CENPE: variants seen among roughly 807,000 people sequenced by gnomAD.
CENPE encodes centromere-associated protein E.
A neutral mutation model predicts 336.1 loss-of-function variants in CENPE; 145 were observed. That is an observed-to-expected ratio of 0.43 (90% CI 0.38 to 0.50). The LOEUF (loss-of-function observed/expected upper bound fraction) is 0.50. CENPE is among the 20% of genes least tolerant of loss of function. The pLI is 0.00. For synonymous variants in CENPE, 1,013 were observed against 984.8 expected, an observed-to-expected ratio of 1.03 and a Z score of -0.54; for missense variants, 2,719 against 3,023.3, an observed-to-expected ratio of 0.90 and a Z score of 2.36.
chr4:103,148,789 TCAAAGGAGAAAGGAAGGAAGAAGTGA>T, intron 28 of CENPE, 29 bp downstream of exon 28: 1 of 1,513,974 alleles, frequency 6.6e-7, no homozygotes, highest in African/African-American at 1.4e-5. Flanking sequence ...TATCTTTCCT[TCAAAGGAGAAAGGAAGGAAGAAGTGA>T]CAAAGGATGA....
At chr4:103,147,667 C>A in intron 28 of CENPE, 21 bp from the exon 29 acceptor site, 1 of 1,584,984 alleles carries the variant, frequency 6.3e-7, no homozygotes, top group Non-Finnish European at 8.5e-7. Context: ...TCATAAAATA[C>A]CAAGGTTACT....
Position 103,144,410 on chromosome 4 carries a change from T to C in CENPE, c.5066A>G (p.Asp1689Gly). ...EEMRSVTKER[D>G]DLRSVEETLK... ...AGTCTCCTCCACACTCCTAAGGTCATCTCTTTCTTTTGTTACAGATCTCAT... is the reference window on the plus strand; with the variant it reads ...AGTCTCCTCCACACTCCTAAGGTCACCTCTTTCTTTTGTTACAGATCTCAT... Residue 1689 changes from aspartate to glycine, a missense_variant, in exon 33 of 49, where the codon GAT becomes GGT. Coordinates refer to ENST00000265148, the MANE Select transcript of CENPE (RefSeq NM_001813.3). 1 of 1,614,086 alleles carries C rather than the reference T, an allele frequency of 6.2e-7. No individual in the cohort carries two copies. Among genetic ancestry groups the C allele is most frequent in the South Asian group, 1.1e-5 (1 of 91,078 alleles).
chr4:103,127,142 A>G (rs965943212), intron 42 of CENPE, among the ~76,000 whole-genome samples: 1 of 151,456 alleles, frequency 6.6e-6, no homozygotes, highest in Non-Finnish European at 1.5e-5. Flanking sequence ...AAAACCCCCA[A>G]AAACAAAAAA....
intron 42 of CENPE, among the ~76,000 whole-genome samples, chr4:103,126,001 C>G (rs1042074451): frequency 1.1e-4 from 16 of 151,948 alleles, no homozygotes; most frequent in Non-Finnish European, 1.8e-4. Flanking sequence ...ACTGGAGAGG[C>G]AGAGAGGCAG....
Position 103,144,383 on chromosome 4 carries a change from A to C in CENPE, c.5093T>G (p.Leu1698Arg), listed in dbSNP as rs747420234. 2 of 1,613,376 alleles carry C rather than the reference A, an allele frequency of 1.2e-6. No homozygotes were observed. Among genetic ancestry groups the C allele is most frequent in the Non-Finnish European group, 1.7e-6 (2 of 1,179,818 alleles). ...RDDLRSVEETLKVERDQLKEN... is the reference protein window; with the variant it reads ...RDDLRSVEETRKVERDQLKEN... ...CTTGAGCTGGTCTCTCTCTACTTTG[A>C]GAGTCTCCTCCACACTCCTAAGGTC... The change falls in exon 33 of 49, where the codon CTC becomes CGC. Residue 1698 changes from leucine (L) to arginine (R), a missense_variant. Around this residue, in one of 5 missense-constraint regions of CENPE, gnomAD observed 2,437 missense variants for 2,513.3 expected, o/e 0.97. Coordinates refer to ENST00000265148, the MANE Select transcript of CENPE (RefSeq NM_001813.3).
chr4:103,137,783 C>T (rs1324926714), intron 39 of CENPE, among the ~76,000 whole-genome samples: 1 of 152,156 alleles, frequency 6.6e-6, no homozygotes, highest in Non-Finnish European at 1.5e-5. Context: ...TGAAATCAGT[C>T]TTTATAATGG....
At chr4:103,174,289 A>C (rs1755668888) in intron 16 of CENPE, among the ~76,000 whole-genome samples, 1 of 152,012 alleles carries the variant, frequency 6.6e-6, no homozygotes, top group South Asian at 2.1e-4. Context: ...AGAATCTTAA[A>C]AAGCTGATCT....
At position 103,154,540 on chromosome 4, in the gene CENPE, G is replaced by A. The variant is rs114641936; in HGVS notation, c.3034-1290C>T. Among the ~76,000 whole-genome samples the A allele has an allele frequency of 4.6e-3, 707 of 152,234 alleles. 9 individuals carry two copies. The highest frequency in any genetic ancestry group is 0.017 in the African/African-American group (691 of 41,558). The stretch of plus-strand genomic sequence containing the variant: ...ACAGTGATCACAGAGCTAACTACAT[G>A]AGAAATTAAGGTAGGGAACACGTAG... On this transcript the variant is annotated intron_variant, in intron 24 of 48. Coordinates refer to ENST00000265148, the MANE Select transcript of CENPE (RefSeq NM_001813.3).
At position 103,144,495 on chromosome 4, in the gene CENPE, C is replaced by T. The variant is rs1401040037; in HGVS notation, c.4981G>A (p.Glu1661Lys). Reference protein sequence around the residue: ...EQFETQKLNLENIETENIRLT... With the variant: ...EQFETQKLNLKNIETENIRLT... ...CTTATATTCTCCGTTTCTATGTTTT[C>T]CAGGTTTAACTTCTGGGTCTCAAAT... Residue 1661 changes from glutamate to lysine, a missense_variant, in exon 33 of 49, where the codon GAA becomes AAA. By Grantham distance (56) the Glu-to-Lys change is moderately conservative. This residue lies in a region of CENPE where 2,437 missense variants were observed against 2,513.3 expected (regional missense o/e 0.97). Coordinates refer to ENST00000265148, the MANE Select transcript of CENPE (RefSeq NM_001813.3). 3 of 1,613,898 alleles carry T rather than the reference C, an allele frequency of 1.9e-6. No individual in the cohort carries two copies. Among genetic ancestry groups the T allele is most frequent in the African/African-American group, 2.7e-5 (2 of 74,892 alleles).
At position 103,160,772 on chromosome 4, in the gene CENPE, G is replaced by T. The variant is rs1754377312; in HGVS notation, c.2139C>A (p.Leu713=). ...LIDGKVPKDL[L]CNLELEGKIT... ...TCTTTCCTTCCAATTCCAAATTACA[G>T]AGCAAATCTAGAAAGTTTTGGTAAA... is the stretch of plus-strand genomic sequence containing the variant. The change falls in exon 21 of 49, where the codon CTC becomes CTA. Residue 713 remains leucine, a synonymous_variant. Coordinates refer to ENST00000265148, the MANE Select transcript of CENPE (RefSeq NM_001813.3). The T allele has an allele frequency of 1.3e-6, 2 of 1,585,418 alleles. No homozygotes were observed. Among genetic ancestry groups the T allele is most frequent in the East Asian group, 4.5e-5 (2 of 44,336 alleles).
At chr4:103,123,950 A>G (rs1236030591) in intron 42 of CENPE, among the ~76,000 whole-genome samples, 2 of 152,236 alleles carry the variant, frequency 1.3e-5, no homozygotes, top group Non-Finnish European at 2.9e-5. Context: ...ATCTCACATC[A>G]TAAGAAAGGA....
chr4:103,126,363 T>C (rs2125880430), intron 42 of CENPE, among the ~76,000 whole-genome samples: 1 of 152,124 alleles, frequency 6.6e-6, no homozygotes, highest in Non-Finnish European at 1.5e-5. Context: ...GCCTAATATA[T>C]CTGGAGGAGG....
intron 8 of CENPE, 73 bp downstream of exon 8, chr4:103,194,156 C>T: frequency 1.7e-6 from 2 of 1,155,098 alleles, no homozygotes; most frequent in East Asian, 2.4e-5. Context: ...TCTTATTAAA[C>T]CAAACATCCA....
chr4:103,142,965 T>C (rs987708348), intron 34 of CENPE, among the ~76,000 whole-genome samples: 9 of 128,830 alleles, frequency 7.0e-5, no homozygotes, highest in South Asian at 2.4e-4. Flanking sequence ...GCCGAGATCA[T>C]GCCGTTGCAC....
At chr4:103,135,120 T>G (rs1025341212) in intron 40 of CENPE, among the ~76,000 whole-genome samples, 1 of 152,226 alleles carries the variant, frequency 6.6e-6, no homozygotes, top group African/African-American at 2.4e-5. Context: ...TGCTACTGCC[T>G]CTTAGACATT....
At chr4:103,196,141 G>T in intron 3 of CENPE, 22 bp downstream of exon 3, 2 of 1,602,348 alleles carry the variant, frequency 1.2e-6, no homozygotes, top group South Asian at 1.1e-5. Flanking sequence ...AAATGTTTCT[G>T]CAGCATTGAG....
chr4:103,150,932 T>C (rs546806451), intron 26 of CENPE, among the ~76,000 whole-genome samples: 1 of 152,350 alleles, frequency 6.6e-6, no homozygotes, highest in African/African-American at 2.4e-5. Flanking sequence ...AAACAGTGCG[T>C]GGCCCATGAC....
intron 16 of CENPE, among the ~76,000 whole-genome samples, chr4:103,167,032 T>C (rs879759062): frequency 3.3e-5 from 5 of 152,224 alleles, no homozygotes; most frequent in Non-Finnish European, 7.3e-5. Flanking sequence ...AATTCCATTA[T>C]AACTATTTAG....
chr4:103,195,286 C>T (rs200560550), intron 4 of CENPE, 53 bp from the exon 5 acceptor site: 20 of 1,496,832 alleles, frequency 1.3e-5, no homozygotes, highest in Admixed American at 2.4e-5. Flanking sequence ...ATTGTGAAAA[C>T]CTAATGCTAA....
Sources: allele counts gnomAD v4.1 joint callset (sites outside exome capture counted in the v4.1 genomes callset), GRCh38; gene constraint gnomAD v4.1.1; regional missense constraint gnomAD v4.1.1; transcripts MANE v1.5; gene names NCBI Gene and HGNC (gene_info 2026-07-23, HGNC 2026-07-21).